Variants in MEIG1 observed in about 807,000 individuals in gnomAD.
MEIG1 encodes the protein meiosis expressed gene 1 protein homolog.
MEIG1 carries 12 observed loss-of-function variants against 11.3 expected under a neutral mutation model. The ratio of observed to expected loss-of-function variants is 1.07; its 90% CI spans 0.68 to 1.73. The LOEUF (loss-of-function observed/expected upper bound fraction) is 1.73. Among genes scored for constraint, MEIG1 ranks in the 40% most tolerant of loss-of-function variants. The pLI is 0.00. For missense variants in MEIG1, 119 were observed against 104.9 expected, an observed-to-expected ratio of 1.13 and a Z score of -0.59; for synonymous variants, 41 against 33.2, an observed-to-expected ratio of 1.24 and a Z score of -0.81.
chr10:14,978,431 T>A (rs550645571), intron 1 of MEIG1, among the ~76,000 whole-genome samples: 241 of 152,018 alleles, frequency 1.6e-3, no homozygotes, highest in African/African-American at 5.5e-3. Context: ...AAGGCGTGTG[T>A]TCCCCCCATG....
At chr10:14,965,531 G>C (rs1843070125) in intron 1 of MEIG1, among the ~76,000 whole-genome samples, 1 of 152,174 alleles carries the variant, frequency 6.6e-6, no homozygotes, top group Non-Finnish European at 1.5e-5. Flanking sequence ...TTCATCAAAA[G>C]ATCAGGTACT....
downstream of MEIG1, chr10:14,972,990 C>T (rs762347144): frequency 1.6e-4 from 33 of 204,624 alleles, no homozygotes; most frequent in Non-Finnish European, 2.5e-4. Context: ...CTCAGCCTCC[C>T]AAGTAGCTAG....
chr10:14,964,765 C>A (rs1843060133), intron 1 of MEIG1, among the ~76,000 whole-genome samples: 2 of 145,344 alleles, frequency 1.4e-5, no homozygotes, highest in Non-Finnish European at 1.5e-5. Context: ...ATTGCAGGCA[C>A]CTGCTACCAC....
intron 1 of MEIG1, among the ~76,000 whole-genome samples, chr10:14,965,597 A>G (rs1242304173): frequency 6.6e-6 from 1 of 152,144 alleles, no homozygotes; most frequent in African/African-American, 2.4e-5. Flanking sequence ...GCAATTAAGA[A>G]GTGAAAAAGA....
At chr10:14,976,956 A>G (rs149387249), downstream of MEIG1, among the ~76,000 whole-genome samples, 421 of 151,630 alleles carry the variant, frequency 2.8e-3, 16 homozygotes, top group East Asian at 0.067. Flanking sequence ...GTCCCAATGC[A>G]GGTACATTCT....
In MEIG1 at chr10:14,987,318, C is replaced by G. The variant is rs528256296; in HGVS notation, n.285+304C>G. Reference sequence around the variant, plus strand: ...AGGATGCTGAGCAGGTTCCTCAGAACCATGACCAGATACAAGGACAGGGAC... The same window carrying G: ...AGGATGCTGAGCAGGTTCCTCAGAAGCATGACCAGATACAAGGACAGGGAC... On this transcript the variant is annotated intron_variant and non_coding_transcript_variant, in intron 2 of 2. Transcript: ENST00000467536. 1,120 of 806,106 alleles carry G rather than the reference C, an allele frequency of 1.4e-3. 7 individuals are homozygous for G. The African/African-American group carries it at 0.016, about 12-fold the overall frequency. The allele number at this position is 806,106 out of a possible 1,614,324, so 49.9% of individuals were successfully genotyped here. A position where few individuals can be genotyped will look rare whatever the true frequency, so the allele number is the denominator to read the frequency against.
At chr10:14,973,782 A>AAAAAAG (rs1554806816), downstream of MEIG1, among the ~76,000 whole-genome samples, 3 of 151,324 alleles carry the variant, frequency 2.0e-5, no homozygotes, top group African/African-American at 7.3e-5. Flanking sequence ...AAAAAAAAAA[A>AAAAAAG]AAAAGAAAAC....
chr10:14,985,719 C>A (rs1490453393), intron 1 of MEIG1, among the ~76,000 whole-genome samples: 1 of 151,918 alleles, frequency 6.6e-6, no homozygotes, highest in Non-Finnish European at 1.5e-5. Flanking sequence ...ACGTGATCTG[C>A]AATACCCTAG....
chr10:14,961,704 C>G (rs192815849), intron 1 of MEIG1, among the ~76,000 whole-genome samples: 1 of 143,388 alleles, frequency 7.0e-6, no homozygotes, highest in Non-Finnish European at 1.5e-5. Context: ...GGTCTCGAAC[C>G]CTTGACCTCA....
intron 1 of MEIG1, among the ~76,000 whole-genome samples, chr10:14,985,276 T>C (rs1843307733): frequency 6.6e-6 from 1 of 152,026 alleles, no homozygotes; most frequent in African/African-American, 2.4e-5. Flanking sequence ...CACCCTGTGA[T>C]ATGACTCGTC....
intron 2 of MEIG1, chr10:14,987,241 G>A (rs1843327923): frequency 8.5e-6 from 8 of 939,672 alleles, no homozygotes; most frequent in Middle Eastern, 4.7e-4. Context: ...AGCACAGGTT[G>A]GAGAGGAAGA....
chr10:14,983,294 C>T (rs540994064), intron 1 of MEIG1, among the ~76,000 whole-genome samples: 2 of 152,202 alleles, frequency 1.3e-5, no homozygotes, highest in Non-Finnish European at 2.9e-5. Flanking sequence ...GCTATTACTC[C>T]CAGTATCGCA....
chr10:14,963,622 G>T (rs563482650), intron 1 of MEIG1, among the ~76,000 whole-genome samples: 1 of 152,090 alleles, frequency 6.6e-6, no homozygotes, highest in South Asian at 2.1e-4. Flanking sequence ...CTGAAGCGTG[G>T]CTTATTTGTT....
downstream of MEIG1, among the ~76,000 whole-genome samples, chr10:14,973,558 A>G (rs1043734559): frequency 2.6e-5 from 4 of 152,108 alleles, no homozygotes; most frequent in African/African-American, 7.2e-5. Context: ...TCATGAGGTC[A>G]GGAAATCAAG....
chr10:14,957,661 G>C (rs570326663), upstream of MEIG1, among the ~76,000 whole-genome samples: 1 of 152,150 alleles, frequency 6.6e-6, no homozygotes, highest in Non-Finnish European at 1.5e-5. Context: ...TTGAGACGGA[G>C]TCTCCCTCTA....
intron 1 of MEIG1, among the ~76,000 whole-genome samples, chr10:14,960,539 C>T (rs1002831970): frequency 1.3e-5 from 2 of 152,104 alleles, no homozygotes; most frequent in African/African-American, 2.4e-5. Flanking sequence ...CTGCCTCAGC[C>T]TCCCGAGTAG....
At chr10:14,958,619 G>A (rs564064898), upstream of MEIG1, among the ~76,000 whole-genome samples, 325 of 152,236 alleles carry the variant, frequency 2.1e-3, no homozygotes, top group Middle Eastern at 0.01. Flanking sequence ...TAAATTGGCC[G>A]GGCGCGGTGG....
At chr10:14,964,785 A>AT (rs55924755) in intron 1 of MEIG1, among the ~76,000 whole-genome samples, 106,212 of 144,274 alleles carry the variant, frequency 0.74, 39,024 homozygotes, top group African/African-American at 0.8. Context: ...CGCCCAGTTC[A>AT]TTTTTTTTTT....
At chr10:14,984,428 T>A (rs1843298066) in intron 1 of MEIG1, among the ~76,000 whole-genome samples, 2 of 152,092 alleles carry the variant, frequency 1.3e-5, no homozygotes, top group Non-Finnish European at 2.9e-5. Flanking sequence ...TTAATCATGT[T>A]GTCACAGGAC....
Sources: allele counts gnomAD v4.1 joint callset (sites outside exome capture counted in the v4.1 genomes callset), GRCh38; gene constraint gnomAD v4.1.1; transcripts MANE v1.5; gene names NCBI Gene and HGNC (gene_info 2026-07-23, HGNC 2026-07-21).